SPSB4: variants seen among roughly 807,000 people sequenced by gnomAD.
SPSB4 encodes the protein splA/ryanodine receptor domain and SOCS box containing 4.
Under a neutral mutation model 20.9 loss-of-function variants are expected in SPSB4, and 21 were observed. The ratio of observed to expected loss-of-function variants is 1.01; its 90% CI spans 0.71 to 1.45. The LOEUF (loss-of-function observed/expected upper bound fraction) is 1.45, where lower values mean the gene tolerates loss of function less well. SPSB4 is among the 40% of genes most tolerant of loss of function. The pLI is 0.00. For synonymous variants in SPSB4, 207 were observed against 183.8 expected, an observed-to-expected ratio of 1.13 and a Z score of -1.02; for missense variants, 399 against 399.2, an observed-to-expected ratio of 1.00 and a Z score of 0.00.
intron 2 of SPSB4, among the ~76,000 whole-genome samples, chr3:141,131,052 C>T (rs1450129884): frequency 6.6e-6 from 1 of 152,126 alleles, no homozygotes; most frequent in African/African-American, 2.4e-5. Flanking sequence ...TTTAAGGGTG[C>T]TTCCTGGGCT....
chr3:141,144,099 A>C (rs1939375475), intron 2 of SPSB4, among the ~76,000 whole-genome samples: 2 of 152,224 alleles, frequency 1.3e-5, no homozygotes, highest in Admixed American at 1.3e-4. Context: ...CTATGCAGTT[A>C]ACTCTGAATT....
At chr3:141,056,313 G>A (rs1937637728) in intron 1 of SPSB4, among the ~76,000 whole-genome samples, 1 of 152,128 alleles carries the variant, frequency 6.6e-6, no homozygotes. Flanking sequence ...CTACCTTCAG[G>A]AGACATCTAC....
At chr3:141,115,848 T>C (rs1056956230) in intron 2 of SPSB4, among the ~76,000 whole-genome samples, 2 of 152,178 alleles carry the variant, frequency 1.3e-5, no homozygotes, top group African/African-American at 4.8e-5. Flanking sequence ...AATTGGATCA[T>C]TTGACTAAAG....
intron 2 of SPSB4, among the ~76,000 whole-genome samples, chr3:141,072,642 G>A (rs1050637795): frequency 1.2e-4 from 19 of 152,162 alleles, no homozygotes; most frequent in African/African-American, 4.1e-4. Flanking sequence ...GCAGAGCCCT[G>A]AGCCAAATAA....
intron 2 of SPSB4, among the ~76,000 whole-genome samples, chr3:141,082,465 T>A (rs2107787392): frequency 6.6e-6 from 1 of 152,232 alleles, no homozygotes; most frequent in Middle Eastern, 3.4e-3. Context: ...TTTCGTGAGG[T>A]CCACACCACA....
At chr3:141,069,570 G>C (rs76320236) in intron 2 of SPSB4, among the ~76,000 whole-genome samples, 1 of 152,160 alleles carries the variant, frequency 6.6e-6, no homozygotes, top group South Asian at 2.1e-4. Context: ...AACTCTCTGG[G>C]GTTACTTCCC....
In SPSB4 at chr3:141,147,172, G is replaced by A. The variant is rs369202100; in HGVS notation, c.725G>A (p.Arg242Gln). 16 of 1,614,078 alleles carry A rather than the reference G, an allele frequency of 9.9e-6. No individual in the cohort carries two copies. The highest frequency in any genetic ancestry group is 4.0e-5 in the African/African-American group (3 of 74,930). ...CCCCTGCCACTGATGGACCTGTGCC[G>A]GAGATCCATCCGCTCGGCCCTGGGC... ...PEPLPLMDLCRRSIRSALGRQ... is the reference protein window; with the variant it reads ...PEPLPLMDLCQRSIRSALGRQ... The change falls in exon 3 of 3, where the codon CGG becomes CAG. Residue 242 changes from arginine (R) to glutamine (Q), a missense_variant. Arg to Gln is a conservative substitution (Grantham distance 43). Coordinates refer to ENST00000310546, the MANE Select transcript of SPSB4 (RefSeq NM_080862.3).
At position 141,088,783 on chromosome 3, in the gene SPSB4, TCCTC is replaced by T. The variant is rs1938397040; in HGVS notation, c.694+21989_694+21992del. Among the ~76,000 whole-genome samples the T allele has an allele frequency of 3.9e-5, 6 of 152,126 alleles. No individual in the cohort carries two copies. In the South Asian group the frequency reaches 1.2e-3, roughly 32 times the overall value. On this transcript the variant is annotated intron_variant, in intron 2 of 2. Coordinates refer to ENST00000310546, the MANE Select transcript of SPSB4 (RefSeq NM_080862.3). ...CTCATTCACACATTCTCTCTACTCTTCCTCCCTTCCCTGTCTCACTTTCTCCGTC... is the reference window on the plus strand; with the variant it reads ...CTCATTCACACATTCTCTCTACTCTTCCTTCCCTGTCTCACTTTCTCCGTC...
chr3:141,145,169 C>T (rs1202619801), intron 2 of SPSB4, among the ~76,000 whole-genome samples: 4 of 146,688 alleles, frequency 2.7e-5, no homozygotes, highest in Non-Finnish European at 6.0e-5. Context: ...AGATTTTGTA[C>T]AAGTGGAATT....
At chr3:141,130,069 G>T (rs770448645) in intron 2 of SPSB4, among the ~76,000 whole-genome samples, 2 of 152,220 alleles carry the variant, frequency 1.3e-5, no homozygotes, top group Non-Finnish European at 2.9e-5. Context: ...TTCCTAGATG[G>T]GAGCTGAGGT....
intron 2 of SPSB4, among the ~76,000 whole-genome samples, chr3:141,143,107 C>T (rs867425664): frequency 3.3e-5 from 5 of 152,182 alleles, no homozygotes; most frequent in Middle Eastern, 3.4e-3. Flanking sequence ...TGAGCCACCA[C>T]GCTTGGCCCC....
chr3:141,067,039 G>A (rs992916583), intron 2 of SPSB4, among the ~76,000 whole-genome samples: 1 of 152,184 alleles, frequency 6.6e-6, no homozygotes, highest in Non-Finnish European at 1.5e-5. Flanking sequence ...ATCAAATAAA[G>A]TAATAGTAAT....
rs780561392 is a variant in SPSB4, at chr3:141,147,287, G to T, written c.*18G>T. 2.5e-6 allele frequency: 4 copies of T among 1,614,028 alleles called. No individual in the cohort carries two copies. The South Asian group carries it at 4.4e-5, about 18-fold the overall frequency. On this transcript the variant is annotated 3_prime_UTR_variant, in exon 3 of 3. Transcript: ENST00000310546. ...ACCAGTGAGCCAAGCCTGATGGGCA[G>T]CACAGACACAGACACACACCGCAGG...
chr3:141,077,278 G>A (rs888122659), intron 2 of SPSB4: 5 of 152,188 alleles, frequency 3.3e-5, no homozygotes, highest in Admixed American at 2.0e-4. Context: ...GGCTCTCCCC[G>A]GTTCTTCATC....
intron 2 of SPSB4, among the ~76,000 whole-genome samples, chr3:141,126,799 C>T (rs558316713): frequency 1.4e-4 from 22 of 152,326 alleles, no homozygotes; most frequent in Admixed American, 8.5e-4. Flanking sequence ...GAGCCCACTC[C>T]GACCCCTTCC....
chr3:141,058,293 A>G (rs1397754791), intron 1 of SPSB4, among the ~76,000 whole-genome samples: 1 of 152,232 alleles, frequency 6.6e-6, no homozygotes, highest in Admixed American at 6.5e-5. Flanking sequence ...CCTGTCGGGT[A>G]GGAACATCTG....
At chr3:141,117,497 T>G (rs1293798981) in intron 2 of SPSB4, among the ~76,000 whole-genome samples, 4 of 152,374 alleles carry the variant, frequency 2.6e-5, no homozygotes, top group East Asian at 1.9e-4. Flanking sequence ...AATTTTGTTC[T>G]CTTTCTCTGT....
At chr3:141,146,346 T>C (rs1164860109) in intron 2 of SPSB4, among the ~76,000 whole-genome samples, 1 of 152,166 alleles carries the variant, frequency 6.6e-6, no homozygotes, top group African/African-American at 2.4e-5. Context: ...AGGGGAAGTT[T>C]CAGGGTTCAC....
chr3:141,104,147 G>T (rs773174224), intron 2 of SPSB4, among the ~76,000 whole-genome samples: 1 of 152,310 alleles, frequency 6.6e-6, no homozygotes, highest in Non-Finnish European at 1.5e-5. Flanking sequence ...CAGACAAGGA[G>T]TGCCTGCAGG....
Sources: gnomAD v4.1 joint callset for allele counts (sites outside exome capture counted in the v4.1 genomes callset) on GRCh38, gnomAD v4.1.1 for gene constraint, MANE v1.5 for transcripts, NCBI Gene and HGNC (gene_info 2026-07-23, HGNC 2026-07-21) for gene names.